Variants in NSD3 observed in about 807,000 individuals in gnomAD.
NSD3 encodes the protein histone-lysine N-methyltransferase NSD3.
In NSD3, 24 loss-of-function variants were observed where a neutral mutation model predicts 160.8. The ratio of observed to expected loss-of-function variants is 0.15; its 90% CI spans 0.11 to 0.21. The LOEUF is 0.21. Ranked by LOEUF, NSD3 falls within the 10% of genes least tolerant of loss-of-function variation. The probability of loss-of-function intolerance (pLI) is 1.00; values close to 1 mark genes in which losing one functional copy is unlikely to be tolerated. For synonymous variants in NSD3, 520 were observed against 600.0 expected (o/e 0.87, Z 1.95); for missense variants, 1,157 against 1,735.9 (o/e 0.67, Z 5.93).
chr8:38,342,222 A>G (rs1810389462), intron 2 of NSD3, among the ~76,000 whole-genome samples: 1 of 152,224 alleles, frequency 6.6e-6, no homozygotes, highest in Non-Finnish European at 1.5e-5. Flanking sequence ...CTGCAATAAT[A>G]GAGAGGGAGT....
At chr8:38,358,831 A>T (rs1460216893) in intron 1 of NSD3, among the ~76,000 whole-genome samples, 1 of 152,076 alleles carries the variant, frequency 6.6e-6, no homozygotes, top group Non-Finnish European at 1.5e-5. Flanking sequence ...GAATATAAAG[A>T]TCTCCGGGTG....
intron 12 of NSD3, among the ~76,000 whole-genome samples, chr8:38,313,341 G>A (rs548280829): frequency 1.1e-4 from 16 of 152,088 alleles, no homozygotes; most frequent in Admixed American, 9.8e-4. Flanking sequence ...AGCTGCCTGG[G>A]TTTAAATCAC....
chr8:38,307,080 A>G (rs113513321), intron 12 of NSD3, among the ~76,000 whole-genome samples: 1,622 of 149,406 alleles, frequency 0.011, 36 homozygotes, highest in African/African-American at 0.037. Context: ...GCGCCACCGC[A>G]CTCCAGCCTG....
Position 38,275,890 on chromosome 8 carries a change from G to A in NSD3, c.4073-8C>T, listed in dbSNP as rs1463819150. On this transcript the variant is annotated splice_polypyrimidine_tract_variant and splice_region_variant and intron_variant, in intron 23 of 23. Transcript: ENST00000317025. ...ACGGACACTCCCACTTTCCTAATTC[G>A]GGGAGATGGGGAGGAAGAAGGAGAA... The A allele has an allele frequency of 6.8e-6, 11 of 1,609,798 alleles. No individual in the cohort carries two copies. Among genetic ancestry groups the A allele is most frequent in the Middle Eastern group, 1.6e-4 (1 of 6,066 alleles).
At chr8:38,347,182 C>CT (rs1810557826) in intron 2 of NSD3, among the ~76,000 whole-genome samples, 1 of 152,188 alleles carries the variant, frequency 6.6e-6, no homozygotes, top group Non-Finnish European at 1.5e-5. Flanking sequence ...GCTATCTTCT[C>CT]TTTGCCTTTC....
chr8:38,339,597 G>A (rs1810309161), intron 2 of NSD3, among the ~76,000 whole-genome samples: 1 of 151,884 alleles, frequency 6.6e-6, no homozygotes, highest in South Asian at 2.1e-4. Flanking sequence ...GTGGTGGTGT[G>A]CGCCTGTAGT....
intron 12 of NSD3, among the ~76,000 whole-genome samples, chr8:38,310,990 CT>C (rs1439010457): frequency 6.7e-6 from 1 of 149,952 alleles, no homozygotes; most frequent in East Asian, 2.0e-4. Flanking sequence ...ATGTTGTTTT[CT>C]TTTTTCTTTT....
intron 7 of NSD3, among the ~76,000 whole-genome samples, chr8:38,323,078 G>T (rs150576536): frequency 6.6e-6 from 1 of 151,834 alleles, no homozygotes; most frequent in Non-Finnish European, 1.5e-5. Context: ...TTTTTGAGAC[G>T]GAGTCTCTCC....
Position 38,337,456 on chromosome 8 carries a change from T to A in NSD3, c.759A>T (p.Ile253=). 6.3e-7 allele frequency: 1 copy of A among 1,592,550 alleles called. No individual in the cohort carries two copies. Among genetic ancestry groups the A allele is most frequent in the Non-Finnish European group, 8.5e-7 (1 of 1,172,018 alleles). Residue 253 remains isoleucine (I), a synonymous_variant, in exon 4 of 24, where the codon ATA becomes ATT. Transcript: ENST00000317025. ...VLKEEAPVQP[I]LSSVPTTEVS... is the part of the protein sequence containing the mutation. The stretch of plus-strand genomic sequence containing the variant: ...CTTCCGTTGTTGGAACAGAAGATAG[T>A]ATTGGCTGAACCTACAGGAAAGGGT...
At chr8:38,335,830 C>T (rs1810203519) in intron 4 of NSD3, among the ~76,000 whole-genome samples, 1 of 152,166 alleles carries the variant, frequency 6.6e-6, no homozygotes, top group African/African-American at 2.4e-5. Context: ...AATAAAAGTA[C>T]CTACTTCACT....
chr8:38,368,885 A>C (rs1163957986), intron 1 of NSD3, among the ~76,000 whole-genome samples: 1 of 152,232 alleles, frequency 6.6e-6, no homozygotes, highest in African/African-American at 2.4e-5. Context: ...TAAACTAACA[A>C]GTTCATCCAC....
At chr8:38,291,008 G>A (rs1023407888) in intron 16 of NSD3, among the ~76,000 whole-genome samples, 2 of 152,106 alleles carry the variant, frequency 1.3e-5, no homozygotes, top group African/African-American at 4.8e-5. Flanking sequence ...GAAAAGTCAT[G>A]TTTCCCCCCA....
intron 4 of NSD3, among the ~76,000 whole-genome samples, chr8:38,333,443 A>C (rs1585895048): frequency 6.6e-6 from 1 of 152,252 alleles, no homozygotes; most frequent in Non-Finnish European, 1.5e-5. Flanking sequence ...AATGAGTCCT[A>C]AATAATAAAA....
rs1808922469 is a variant in NSD3 at position 38,288,722 on chromosome 8, A to G, written c.3266T>C (p.Val1089Ala). The G allele has an allele frequency of 1.9e-6, 3 of 1,614,234 alleles. No homozygotes were observed. The highest frequency in any genetic ancestry group is 2.5e-6 in the Non-Finnish European group (3 of 1,180,026). Residue 1089 changes from valine (V) to alanine (A), a missense_variant, in exon 19 of 24, where the codon GTT becomes GCT. This residue lies in a region of NSD3 where 437 missense variants were observed against 576.6 expected (regional missense o/e 0.76). Coordinates refer to ENST00000317025, the MANE Select transcript of NSD3 (RefSeq NM_023034.2). The surrounding 1 kb of genome is among the most constrained non-coding windows in gnomAD (Gnocchi z 4.5). ...GCGGGGAATCTCTGACAGGTCAGCA[A>G]CCTGGATCTGCACCTTTCCTATTAC... The part of the protein sequence containing the change: ...NKVIGKVQIQ[V>A]ADLSEIPRCN...
chr8:38,296,137 G>T (rs906655635), intron 15 of NSD3, among the ~76,000 whole-genome samples, 185 bp from the exon 16 acceptor site: 2 of 152,028 alleles, frequency 1.3e-5, no homozygotes, highest in Admixed American at 6.5e-5. Flanking sequence ...TACTTTTCAG[G>T]GTTTCAGTGG....
intron 22 of NSD3, 77 bp from the exon 23 acceptor site, chr8:38,276,577 C>T: frequency 1.3e-6 from 2 of 1,482,004 alleles, no homozygotes; most frequent in Non-Finnish European, 1.8e-6. Flanking sequence ...ACCCTGCAAC[C>T]TTGCATTCAT....
intron 1 of NSD3, among the ~76,000 whole-genome samples, chr8:38,364,264 A>G (rs529130323): frequency 1.4e-4 from 20 of 144,482 alleles, no homozygotes; most frequent in Non-Finnish European, 2.3e-4. Flanking sequence ...GTGACAGAGC[A>G]AGACTCCGTC....
intron 4 of NSD3, among the ~76,000 whole-genome samples, chr8:38,332,240 C>G (rs1810078997): frequency 6.6e-6 from 1 of 151,856 alleles, no homozygotes; most frequent in African/African-American, 2.4e-5. Flanking sequence ...TGGCCCCAGC[C>G]TATGATAGGT....
At chr8:38,332,352 G>C (rs893679721) in intron 4 of NSD3, among the ~76,000 whole-genome samples, 1 of 151,984 alleles carries the variant, frequency 6.6e-6, no homozygotes, top group Non-Finnish European at 1.5e-5. Flanking sequence ...GCCCAGGCTG[G>C]TCTTGAACTC....
Sources: gnomAD v4.1 joint callset for allele counts (sites outside exome capture counted in the v4.1 genomes callset) on GRCh38, gnomAD v4.1.1 for gene constraint, gnomAD v4.1.1 regional missense constraint, Gnocchi (gnomAD v3.1) non-coding constraint, MANE v1.5 for transcripts, NCBI Gene and HGNC (gene_info 2026-07-23, HGNC 2026-07-21) for gene names.